The following DLGAP2 variants were observed in gnomAD, a reference collection of about 807,000 sequenced individuals.
The protein encoded by DLGAP2 is DLG associated protein 2.
A neutral mutation model predicts 100.3 loss-of-function variants in DLGAP2; 26 were observed. That is an observed-to-expected ratio of 0.26 (90% confidence interval 0.19 to 0.36). The LOEUF (loss-of-function observed/expected upper bound fraction) is 0.36. Ranked by LOEUF, DLGAP2 falls within the 10% of genes least tolerant of loss-of-function variation. The pLI is 1.00. For missense variants in DLGAP2, 1,858 were observed against 1,453.2 expected (o/e 1.28, Z -4.53); for synonymous variants, 886 against 630.1 (o/e 1.41, Z -6.08).
chr8:1,114,737 CT>C (rs2129046480), intron 2 of DLGAP2, among the ~76,000 whole-genome samples: 1 of 152,044 alleles, frequency 6.6e-6, no homozygotes, highest in Non-Finnish European at 1.5e-5. Flanking sequence ...CTTCTGCTAG[CT>C]TTGGAGTTGA....
chr8:899,447 G>T (rs904998005), intron 1 of DLGAP2, among the ~76,000 whole-genome samples: 1 of 152,240 alleles, frequency 6.6e-6, no homozygotes, highest in Non-Finnish European at 1.5e-5. Context: ...GGCCCTGCAT[G>T]CAGAGGCATG....
intron 3 of DLGAP2, among the ~76,000 whole-genome samples, chr8:1,373,301 G>T (rs1802293928): frequency 6.8e-6 from 1 of 146,142 alleles, no homozygotes; most frequent in South Asian, 2.1e-4. Flanking sequence ...GGGAGCAGGG[G>T]CCGCGGGCGG....
chr8:1,579,424 G>C, intron 6 of DLGAP2, among the ~76,000 whole-genome samples: 1 of 152,070 alleles, frequency 6.6e-6, no homozygotes, highest in African/African-American at 2.4e-5. Context: ...TAATTATAAA[G>C]ATACCACTTT....
chr8:1,152,342 C>T (rs1412461859), intron 2 of DLGAP2, among the ~76,000 whole-genome samples: 2 of 152,132 alleles, frequency 1.3e-5, no homozygotes, highest in South Asian at 2.1e-4. Flanking sequence ...TTAAATTTCC[C>T]GCTAGAACTA....
chr8:944,641 C>A (rs1799272722), intron 2 of DLGAP2, among the ~76,000 whole-genome samples: 1 of 151,702 alleles, frequency 6.6e-6, no homozygotes, highest in Non-Finnish European at 1.5e-5. Context: ...GGTAACCAGT[C>A]AATATGGGTG....
chr8:846,672 A>G (rs1797076759), intron 1 of DLGAP2, among the ~76,000 whole-genome samples: 2 of 152,184 alleles, frequency 1.3e-5, no homozygotes, highest in South Asian at 2.1e-4. Flanking sequence ...GCTGGATCAT[A>G]TGGTAGTTGT....
At chr8:1,168,822 G>T (rs538705276) in intron 2 of DLGAP2, among the ~76,000 whole-genome samples, 3,578 of 103,602 alleles carry the variant, frequency 0.035, 37 homozygotes, top group East Asian at 0.064. Context: ...TTTCTCCCAT[G>T]TTGTAGGTTG....
At chr8:994,994 A>G (rs763578310) in intron 2 of DLGAP2, among the ~76,000 whole-genome samples, 2 of 152,196 alleles carry the variant, frequency 1.3e-5, no homozygotes, top group Non-Finnish European at 2.9e-5. Context: ...GTATTCTTCA[A>G]CTTACCTTTC....
In DLGAP2 at chr8:1,411,296, A is replaced by C. The variant is rs1488206870; in HGVS notation, c.107-90070A>C. On this transcript the variant is annotated intron_variant, in intron 3 of 14. Transcript: ENST00000637795. ...ATTATATACTATAATAAGTCAAAGA[A>C]AACAGAGTTAGGAATAATCAAAACA... Among the ~76,000 whole-genome samples the C allele has an allele frequency of 3.3e-5, 5 of 152,264 alleles. No individual in the cohort carries two copies. The South Asian group carries it at 1.0e-3, about 32-fold the overall frequency.
intron 1 of DLGAP2, among the ~76,000 whole-genome samples, chr8:785,250 A>G (rs1192918467): frequency 1.4e-5 from 2 of 145,894 alleles, no homozygotes; most frequent in Non-Finnish European, 3.0e-5. Flanking sequence ...AAAAAAAAAA[A>G]AAGGCACGTC....
chr8:1,613,474 A>G (rs1797047747), intron 6 of DLGAP2, among the ~76,000 whole-genome samples: 1 of 152,034 alleles, frequency 6.6e-6, no homozygotes, highest in East Asian at 1.9e-4. Flanking sequence ...GCGCACCAGC[A>G]TGGCACATGT....
chr8:1,501,414 C>A lies in DLGAP2; in HGVS notation c.155C>A (p.Pro52Gln). The change falls in exon 4 of 15, where the codon CCG becomes CAG. Residue 52 changes from proline (P) to glutamine (Q), a missense_variant. Physicochemically the swap from Pro to Gln is moderately conservative, Grantham distance 76 (BLOSUM62 -1). Transcript: ENST00000637795. ...LVQPGISFPGPAEEDLDPQYS... is the reference protein window; with the variant it reads ...LVQPGISFPGQAEEDLDPQYS... ...CAGCCGGGCATCAGCTTTCCGGGGC[C>A]GGCAGAGGAGGATCTAGGTAGAGTA... 1 of 1,535,682 alleles carries A rather than the reference C, an allele frequency of 6.5e-7. No individual in the cohort carries two copies. The highest frequency in any genetic ancestry group is 8.7e-7 in the Non-Finnish European group (1 of 1,146,720).
At chr8:1,026,047 T>C (rs1584988909) in intron 2 of DLGAP2, among the ~76,000 whole-genome samples, 1 of 152,190 alleles carries the variant, frequency 6.6e-6, no homozygotes, top group East Asian at 1.9e-4. Flanking sequence ...CCAGGCCGCC[T>C]CCAGCACCAC....
Position 849,492 on chromosome 8 carries a change from A to G in DLGAP2, c.19-58420A>G, listed in dbSNP as rs149777007. 9.3e-3 allele frequency among the ~76,000 whole-genome samples: 1,417 copies of G among 152,260 alleles called. 15 individuals are homozygous for G. Among genetic ancestry groups the G allele is most frequent in the Non-Finnish European group, 0.014 (962 of 68,030 alleles). On this transcript the variant is annotated intron_variant, in intron 1 of 14. Coordinates refer to ENST00000637795, the MANE Select transcript of DLGAP2 (RefSeq NM_001346810.2). ...GCCTGGGATGGGAGTGGCTGTGTCA[A>G]TGGTAGTGTATGTTTAACTTTATGA...
At chr8:895,482 A>G (rs1170027108) in intron 1 of DLGAP2, among the ~76,000 whole-genome samples, 2 of 152,122 alleles carry the variant, frequency 1.3e-5, no homozygotes, top group African/African-American at 2.4e-5. Context: ...CTGAGACCAC[A>G]CGCTTGGCGC....
chr8:1,292,938 G>C (rs544534387), intron 3 of DLGAP2, among the ~76,000 whole-genome samples: 26 of 152,262 alleles, frequency 1.7e-4, no homozygotes, highest in African/African-American at 4.8e-4. Context: ...TGTCCTCCCT[G>C]CATTAGGACC....
chr8:1,098,034 T>C (rs112771436), intron 2 of DLGAP2, among the ~76,000 whole-genome samples: 119 of 152,404 alleles, frequency 7.8e-4, no homozygotes, highest in African/African-American at 2.8e-3. Flanking sequence ...CTTCTCTTAC[T>C]ACGTTGACTG....
At chr8:1,213,045 G>A (rs1290339762) in intron 2 of DLGAP2, among the ~76,000 whole-genome samples, 1 of 152,066 alleles carries the variant, frequency 6.6e-6, no homozygotes, top group South Asian at 2.1e-4. Context: ...ATGAGAATTT[G>A]GGAGGCCACA....
chr8:1,610,855 T>C (rs1390198811), intron 6 of DLGAP2, among the ~76,000 whole-genome samples: 1 of 142,856 alleles, frequency 7.0e-6, no homozygotes, highest in African/African-American at 2.8e-5. Context: ...GTTGAATCTC[T>C]GAATAGACCA....
Sources: gnomAD v4.1 joint callset for allele counts (sites outside exome capture counted in the v4.1 genomes callset) on GRCh38, gnomAD v4.1.1 for gene constraint, MANE v1.5 for transcripts, NCBI Gene and HGNC (gene_info 2026-07-23, HGNC 2026-07-21) for gene names.